The following PTK2 variants were observed in gnomAD, a reference collection of about 807,000 sequenced individuals.
The protein encoded by PTK2 is focal adhesion kinase 1.
Under a neutral mutation model 150.1 loss-of-function variants are expected in PTK2, and 45 were observed. That is an observed-to-expected ratio of 0.30 (90% CI 0.24 to 0.38). The LOEUF is 0.38. Ranked by LOEUF, PTK2 falls within the 10% of genes least tolerant of loss-of-function variation. The pLI is 1.00. For missense variants in PTK2, 919 were observed against 1,307.3 expected, an observed-to-expected ratio of 0.70 and a Z score of 4.58; for synonymous variants, 432 against 449.2, an observed-to-expected ratio of 0.96 and a Z score of 0.48.
At chr8:140,984,790 C>T (rs2100192711) in intron 1 of PTK2, among the ~76,000 whole-genome samples, 1 of 152,086 alleles carries the variant, frequency 6.6e-6, no homozygotes. Context: ...AACCACAGCT[C>T]AACTTACTGA....
intron 23 of PTK2, among the ~76,000 whole-genome samples, chr8:140,708,081 A>AT (rs1461872905): frequency 6.6e-6 from 1 of 152,366 alleles, no homozygotes; most frequent in Non-Finnish European, 1.5e-5. Flanking sequence ...AAAGAAGTCA[A>AT]TAAAGTCTTT....
intron 1 of PTK2, among the ~76,000 whole-genome samples, chr8:140,937,366 G>A (rs537618328): frequency 1.1e-4 from 17 of 152,102 alleles, no homozygotes; most frequent in African/African-American, 4.1e-4. Flanking sequence ...ATAAAGTTAT[G>A]CCATGAATTT....
intron 29 of PTK2, chr8:140,669,340 T>TATACAC (rs1377363515): frequency 7.5e-6 from 1 of 132,858 alleles, no homozygotes; most frequent in African/African-American, 3.0e-5. Flanking sequence ...TATATATATA[T>TATACAC]ACACTTTTTA....
chr8:140,722,726 C>G (rs1341933536), intron 22 of PTK2, among the ~76,000 whole-genome samples: 1 of 152,074 alleles, frequency 6.6e-6, no homozygotes, highest in Non-Finnish European at 1.5e-5. Context: ...ATTGCCTCAC[C>G]CTTAAAATAA....
chr8:140,916,450 T>C (rs1220785788), intron 2 of PTK2, among the ~76,000 whole-genome samples: 2 of 152,236 alleles, frequency 1.3e-5, no homozygotes, highest in African/African-American at 4.8e-5. Context: ...GGAACTTTCT[T>C]TTCCCAAGTA....
intron 2 of PTK2, among the ~76,000 whole-genome samples, chr8:140,902,031 C>T (rs912785767): frequency 5.9e-5 from 5 of 85,022 alleles, no homozygotes; most frequent in Non-Finnish European, 8.6e-5. Flanking sequence ...TGTATATGTG[C>T]CACATTTTTT....
chr8:140,754,744 C>T (rs185605084), intron 16 of PTK2, among the ~76,000 whole-genome samples: 52 of 152,276 alleles, frequency 3.4e-4, no homozygotes, highest in African/African-American at 1.2e-3. Context: ...GCTCAGCCTT[C>T]GGTTTGGCGA....
chr8:140,948,087 C>T (rs1350103245), intron 1 of PTK2, among the ~76,000 whole-genome samples: 4 of 152,136 alleles, frequency 2.6e-5, no homozygotes, highest in African/African-American at 9.7e-5. Flanking sequence ...CGAAAAGTAG[C>T]TAGTCCTGCT....
At chr8:140,817,640 TAAGCTACATA>T (rs561568532) in intron 10 of PTK2, among the ~76,000 whole-genome samples, 3 of 152,322 alleles carry the variant, frequency 2.0e-5, no homozygotes, top group Admixed American at 2.0e-4. Flanking sequence ...CACTCAACTA[TAAGCTACATA>T]AAGACAAAGG....
At chr8:140,952,422 G>A (rs1430037456) in intron 1 of PTK2, among the ~76,000 whole-genome samples, 1 of 152,148 alleles carries the variant, frequency 6.6e-6, no homozygotes, top group Non-Finnish European at 1.5e-5. Context: ...AGCCTATGAA[G>A]GACAGGGGGA....
chr8:140,964,859 G>C (rs1257472583), intron 1 of PTK2, among the ~76,000 whole-genome samples: 2 of 152,074 alleles, frequency 1.3e-5, no homozygotes, highest in African/African-American at 4.8e-5. Flanking sequence ...CTCAGACCTT[G>C]CTTGCCCTTA....
intron 7 of PTK2, among the ~76,000 whole-genome samples, chr8:140,844,473 G>A (rs992424062): frequency 2.0e-5 from 3 of 151,984 alleles, no homozygotes; most frequent in Non-Finnish European, 4.4e-5. Flanking sequence ...TGGACTCATG[G>A]GTATTTAATT....
intron 4 of PTK2, among the ~76,000 whole-genome samples, chr8:140,872,875 C>T (rs2100143352): frequency 6.6e-6 from 1 of 152,082 alleles, no homozygotes; most frequent in Admixed American, 6.5e-5. Context: ...AAAATATTAA[C>T]CATTTTAAGG....
intron 14 of PTK2, 107 bp from the exon 16 acceptor site, chr8:140,769,699 T>C: frequency 1.6e-6 from 1 of 635,526 alleles, no homozygotes; most frequent in Non-Finnish European, 2.4e-6. Context: ...AAATGACAAG[T>C]AAACCAAAGT....
intron 1 of PTK2, among the ~76,000 whole-genome samples, chr8:140,990,286 G>A (rs1355703938): frequency 6.6e-6 from 1 of 151,316 alleles, no homozygotes; most frequent in Non-Finnish European, 1.5e-5. Context: ...CCAGGTTGGA[G>A]TGTAGTGGTG....
In PTK2 at chr8:140,679,249, T is replaced by G. The variant is rs770546437; in HGVS notation, c.2563-3750A>C. On this transcript the variant is annotated intron_variant, in intron 27 of 31. Coordinates refer to ENST00000522684, the Ensembl canonical transcript of PTK2. Reference sequence around the variant, plus strand: ...TATGTGGGCCAGGCTGGTCTTGAACTCCTGACCTCAGGTGATCTGCTCGCC... The same window carrying G: ...TATGTGGGCCAGGCTGGTCTTGAACGCCTGACCTCAGGTGATCTGCTCGCC... Among the ~76,000 whole-genome samples, 101 of 152,024 alleles carry G rather than the reference T, an allele frequency of 6.6e-4. 1 individual carries two copies. In the Middle Eastern group the frequency reaches 0.014, roughly 20 times the overall value.
intron 2 of PTK2, among the ~76,000 whole-genome samples, chr8:140,901,228 ATCTC>A (rs57637314): frequency 8.0e-5 from 12 of 150,072 alleles, no homozygotes; most frequent in East Asian, 2.0e-4. Flanking sequence ...ATGAAATTAC[ATCTC>A]TCTCTCTCTC....
intron 24 of PTK2, among the ~76,000 whole-genome samples, chr8:140,704,384 C>T (rs1367891602): frequency 1.3e-5 from 2 of 152,156 alleles, no homozygotes; most frequent in Admixed American, 6.5e-5. Context: ...TTTTTACACA[C>T]CGTTCTAAGC....
At chr8:140,746,688 T>C (rs749378833) in intron 18 of PTK2, 72 bp downstream of exon 21, 75 of 1,153,910 alleles carry the variant, frequency 6.5e-5, no homozygotes, top group Non-Finnish European at 9.0e-5. Flanking sequence ...TATAAACTGT[T>C]TATATTTTCC....
Sources: gnomAD v4.1 joint callset for allele counts (sites outside exome capture counted in the v4.1 genomes callset) on GRCh38, gnomAD v4.1.1 for gene constraint, MANE v1.5 for transcripts, NCBI Gene and HGNC (gene_info 2026-07-23, HGNC 2026-07-21) for gene names.